Variants in TMC6 observed in about 807,000 individuals in gnomAD.
The protein encoded by TMC6 is transmembrane channel like 6, also known as transmembrane channel-like protein 6.
Under a neutral mutation model 95.4 loss-of-function variants are expected in TMC6, and 71 were observed. That is an observed-to-expected ratio of 0.74 (90% CI 0.61 to 0.91). TMC6 has a LOEUF of 0.91. Ranked by LOEUF, TMC6 falls within the 40% of genes least tolerant of loss-of-function variation. TMC6 has a pLI of 0.00. For missense variants in TMC6, 1,074 were observed against 1,079.1 expected (o/e 1.00, Z 0.07); for synonymous variants, 514 against 483.1 (o/e 1.06, Z -0.84).
upstream of TMC6, chr17:78,128,816 G>GGGGGC (rs2074880135): frequency 7.3e-6 from 1 of 137,694 alleles, no homozygotes; most frequent in Non-Finnish European, 1.6e-5. The surrounding 1 kb of genome is among the most constrained non-coding windows in gnomAD (Gnocchi z 4.0). Context: ...GGGGGGGCGG[G>GGGGGC]CCTCGGCTAT....
Position 78,120,301 on chromosome 17 carries a change from T to C in TMC6, c.1715+352A>G, listed in dbSNP as rs192082949. ...CTGCCTCCCGAGTAGCTGGGACTAC[T>C]GGTGTGCGCCACCACGCCCTGCTAA... On this transcript the variant is annotated intron_variant, in intron 13 of 19. Transcript: ENST00000590602. The C allele has an allele frequency of 3.3e-3, 1,260 of 387,030 alleles. 26 individuals are homozygous for C. Among genetic ancestry groups the C allele is most frequent in the Non-Finnish European group, 1.9e-3 (376 of 197,408 alleles). The allele number at this position is 387,030 out of a possible 1,614,324, so 24.0% of individuals were successfully genotyped here.
In TMC6 at chr17:78,117,526, C is replaced by T. The variant is rs1338213796; in HGVS notation, c.2140G>A (p.Val714Met). 6.2e-7 allele frequency: 1 copy of T among 1,604,278 alleles called. No individual in the cohort carries two copies. The highest frequency in any genetic ancestry group is 1.1e-5 in the South Asian group (1 of 90,002). The change falls in exon 17 of 20, where the codon GTG (valine) becomes ATG (methionine). Residue 714 changes from valine (V) to methionine (M), a missense_variant. Coordinates refer to ENST00000590602, the MANE Select transcript of TMC6 (RefSeq NM_001127198.5). ...GTGTTTTCCATCAGGTACCGGTGCA[C>T]CCAGGGCAGCCAGGAGACCCTGGGG... ...AGPRVSWLPW[V>M]HRYLMENTFF...
intron 12 of TMC6, 30 bp from the exon 13 acceptor site, chr17:78,120,862 G>A (rs772844733): frequency 1.2e-6 from 2 of 1,610,732 alleles, no homozygotes; most frequent in Non-Finnish European, 1.7e-6. Flanking sequence ...AAGGCTGAGG[G>A]GCGGGTACAG....
chr17:78,109,805 G>A lies in TMC6; in HGVS notation c.*3343C>T, dbSNP rs2073789264. The A allele has an allele frequency of 2.9e-6, 1 of 343,254 alleles. No homozygotes were observed. Among genetic ancestry groups the A allele is most frequent in the Non-Finnish European group, 5.8e-6 (1 of 173,394 alleles). The allele number at this position is 343,254 out of a possible 1,614,324, so 21.3% of individuals were successfully genotyped here. A position where few individuals can be genotyped will look rare whatever the true frequency, so the allele number is the denominator to read the frequency against. On this transcript the variant is annotated 3_prime_UTR_variant, in exon 20 of 20. Transcript: ENST00000590602. Reference sequence around the variant, plus strand: ...CATCCGGCCAGGCATGGTGGCTCATGCCTGTAATCCCAGCACTTTGGGAGT... The same window carrying A: ...CATCCGGCCAGGCATGGTGGCTCATACCTGTAATCCCAGCACTTTGGGAGT...
Position 78,122,963 on chromosome 17 carries a change from A to T in TMC6, c.1083-214T>A. ...GCACCCACCAGCCACATCTGCCTAG[A>T]AGAGGGGGCAGGGCTGCATTCACCG... On this transcript the variant is annotated intron_variant, in intron 9 of 19. Transcript: ENST00000590602. The surrounding 1 kb of genome is among the most constrained non-coding windows in gnomAD (Gnocchi z 4.9). 1.5e-6 allele frequency: 1 copy of T among 669,836 alleles called. No individual in the cohort carries two copies. Among genetic ancestry groups the T allele is most frequent in the Middle Eastern group, 4.1e-4 (1 of 2,460 alleles). The allele number at this position is 669,836 out of a possible 1,614,324, so 41.5% of individuals were successfully genotyped here.
upstream of TMC6, chr17:78,131,872 C>A: frequency 6.9e-7 from 1 of 1,459,190 alleles, no homozygotes; most frequent in South Asian, 1.4e-5. Context: ...CTGTCACCAC[C>A]CCCGTCCAGG....
intron 13 of TMC6, chr17:78,120,234 A>T: frequency 2.9e-6 from 1 of 350,164 alleles, no homozygotes; most frequent in Admixed American, 4.1e-5. Context: ...ATCTCAGCTC[A>T]CTACAACCTC....
At chr17:78,119,258 G>A (rs375466119) in intron 14 of TMC6, 39 bp downstream of exon 14, 69 of 1,610,838 alleles carry the variant, frequency 4.3e-5, no homozygotes, top group Middle Eastern at 1.7e-4. Context: ...GGCACTGACC[G>A]AGGGGCCAGA....
chr17:78,124,357 G>T, intron 8 of TMC6, 167 bp downstream of exon 8: 1 of 1,339,186 alleles, frequency 7.5e-7, no homozygotes, highest in Non-Finnish European at 1.0e-6. Context: ...CCAGCACGAT[G>T]AGCATCCAGG....
rs1376616277 is a variant in TMC6 at position 78,113,132 on chromosome 17, G to A, written c.*16C>T. 7.7e-6 allele frequency: 12 copies of A among 1,551,614 alleles called. No homozygotes were observed. The highest frequency in any genetic ancestry group is 1.0e-5 in the Non-Finnish European group (12 of 1,147,284). On this transcript the variant is annotated 3_prime_UTR_variant, in exon 20 of 20. Transcript: ENST00000590602. ...TCAGGGTGCTGGGCGGGCCCGTGAG[G>A]CCCATCGCCGTCCCCCTAGGCATCC...
chr17:78,117,694 G>A (rs746460369), intron 16 of TMC6, 50 bp from the exon 17 acceptor site: 4 of 1,554,628 alleles, frequency 2.6e-6, no homozygotes, highest in African/African-American at 2.7e-5. Flanking sequence ...CAGTTCACCC[G>A]GCTCCCTCCC....
Position 78,121,686 on chromosome 17 carries a change from C to G in TMC6, c.1253G>C (p.Arg418Pro). Residue 418 changes from arginine to proline, a missense_variant, in exon 11 of 20, where the codon CGG becomes CCG. Arg to Pro is a moderately radical substitution (Grantham distance 103). Coordinates refer to ENST00000590602, the MANE Select transcript of TMC6 (RefSeq NM_001127198.5). The surrounding 1 kb of genome is among the most constrained non-coding windows in gnomAD (Gnocchi z 5.6). ...CCCGCACACGCTCCTGGGGCTGTGCCGCAGCTGCCACTCGGCCAGCAGCTC... is the reference window on the plus strand; with the variant it reads ...CCCGCACACGCTCCTGGGGCTGTGCGGCAGCTGCCACTCGGCCAGCAGCTC... ...LKELLAEWQL[R>P]HSPRSVCGRL... 6.3e-7 allele frequency: 1 copy of G among 1,589,142 alleles called. No homozygotes were observed. Among genetic ancestry groups the G allele is most frequent in the Non-Finnish European group, 8.5e-7 (1 of 1,170,204 alleles).
At chr17:78,115,598 G>C (rs1425512608) in intron 18 of TMC6, among the ~76,000 whole-genome samples, 1 of 152,168 alleles carries the variant, frequency 6.6e-6, no homozygotes, top group Non-Finnish European at 1.5e-5. Flanking sequence ...TGGGCAAGGA[G>C]GTCCTCCTGG....
Position 78,109,691 on chromosome 17 carries a change from TTG to T in TMC6, c.*3455_*3456del. ...CACGGGCGTGAGTGCATGCATGCGT[TTG>T]TGACAGCCTGGTGCTCGGATGGGCC... On this transcript the variant is annotated 3_prime_UTR_variant, in exon 20 of 20. Transcript: ENST00000590602. 2.6e-6 allele frequency: 1 copy of T among 387,486 alleles called. No homozygotes were observed. Among genetic ancestry groups the T allele is most frequent in the Non-Finnish European group, 5.3e-6 (1 of 190,318 alleles). 24.0% of individuals were successfully genotyped at this position (387,486 alleles called of 1,614,324 possible).
chr17:78,118,199 C>A (rs2074230181), intron 15 of TMC6: 1 of 572,276 alleles, frequency 1.7e-6, no homozygotes, highest in Non-Finnish European at 3.1e-6. Flanking sequence ...ACACCACCTC[C>A]CTCAGTCCCC....
Position 78,124,593 on chromosome 17 carries a change from C to T in TMC6, c.822G>A (p.Gln274=). 6.2e-7 allele frequency: 1 copy of T among 1,612,362 alleles called. No homozygotes were observed. Among genetic ancestry groups the T allele is most frequent in the South Asian group, 1.1e-5 (1 of 91,054 alleles). ...CCGGCAGGGCGGGTGGGAAGGCGAC[C>T]TGAGGGCCCATGATGAAGGCCACCA... ...LLLVAFIMGP[Q]VAFPPALPGP... The change falls in exon 8 of 20, where the codon CAG becomes CAA. Residue 274 remains glutamine, a synonymous_variant. Coordinates refer to ENST00000590602, the MANE Select transcript of TMC6 (RefSeq NM_001127198.5).
At chr17:78,124,414 C>T in intron 8 of TMC6, 110 bp downstream of exon 8, 4 of 1,545,476 alleles carry the variant, frequency 2.6e-6, no homozygotes, top group Non-Finnish European at 2.6e-6. Flanking sequence ...CCTGGAGTCA[C>T]AGCGGGGCAA....
chr17:78,127,429 C>T (rs908461687), intron 1 of TMC6, among the ~76,000 whole-genome samples: 1 of 152,214 alleles, frequency 6.6e-6, no homozygotes, highest in Non-Finnish European at 1.5e-5. Flanking sequence ...ACAGAGGTCA[C>T]TCCATGCCAC....
Position 78,126,771 on chromosome 17 carries a change from G to A in TMC6, c.56+6C>T, listed in dbSNP as rs766610250. 2.4e-5 allele frequency: 39 copies of A among 1,612,896 alleles called. No homozygotes were observed. The highest frequency in any genetic ancestry group is 1.7e-4 in the African/African-American group (13 of 74,888). On this transcript the variant is annotated splice_donor_region_variant and intron_variant, in intron 2 of 19. Coordinates refer to ENST00000590602, the MANE Select transcript of TMC6 (RefSeq NM_001127198.5). ...AGCCTCCAGCCCCCAGCCCCAGAGC[G>A]CTTACCCCTGGTCCCCTGGGGTCTC...
Sources: gnomAD v4.1 joint callset for allele counts (sites outside exome capture counted in the v4.1 genomes callset) on GRCh38, gnomAD v4.1.1 for gene constraint, Gnocchi (gnomAD v3.1) non-coding constraint, MANE v1.5 for transcripts, NCBI Gene and HGNC (gene_info 2026-07-23, HGNC 2026-07-21) for gene names.